Variants in FAM184B observed in about 807,000 individuals in gnomAD.
The protein encoded by FAM184B is family with sequence similarity 184 member B, also known as protein FAM184B.
FAM184B carries 111 observed loss-of-function variants against 135.9 expected under a neutral mutation model. The observed-to-expected ratio is 0.82, with a 90% CI of 0.70 to 0.96. The LOEUF (loss-of-function observed/expected upper bound fraction) is 0.96. Among genes scored for constraint, FAM184B ranks in the 40% least tolerant of loss-of-function variants. The pLI is 0.00. For missense variants in FAM184B, 1,375 were observed against 1,323.9 expected (o/e 1.04, Z -0.60); for synonymous variants, 552 against 524.8 (o/e 1.05, Z -0.71).
At position 17,629,468 on chromosome 4, in the gene FAM184B, T is replaced by G. The variant is rs1363811367; in HGVS notation, c.*3064A>C. On this transcript the variant is annotated 3_prime_UTR_variant, in exon 18 of 18. Transcript: ENST00000265018. ...GTGTTAGAGCAGTTAAGGGCTCAGG[T>G]ATGTGGTGTGCAGCCATTGACTGGG... The G allele has an allele frequency of 6.6e-6, 1 of 152,210 alleles. No individual in the cohort carries two copies. 9.4% of individuals were successfully genotyped at this position (152,210 alleles called of 1,614,324 possible). A position where few individuals can be genotyped will look rare whatever the true frequency, so the allele number is the denominator to read the frequency against.
intron 1 of FAM184B, among the ~76,000 whole-genome samples, chr4:17,738,796 C>T (rs776959112): frequency 1.3e-5 from 2 of 152,086 alleles, no homozygotes; most frequent in Non-Finnish European, 1.5e-5. Context: ...TGGATTAATA[C>T]CCCAGGTGGC....
chr4:17,684,775 G>T (rs1239361250), intron 7 of FAM184B, among the ~76,000 whole-genome samples: 1 of 152,094 alleles, frequency 6.6e-6, no homozygotes, highest in African/African-American at 2.4e-5. Flanking sequence ...CAACAGCAAA[G>T]ACATGAAATC....
intron 1 of FAM184B, among the ~76,000 whole-genome samples, chr4:17,767,956 A>C (rs1338712002): frequency 6.6e-6 from 1 of 152,180 alleles, no homozygotes; most frequent in Non-Finnish European, 1.5e-5. Context: ...GGCTTCATTC[A>C]ATCTCTGTCA....
At chr4:17,771,200 A>G (rs1183936198) in intron 1 of FAM184B, among the ~76,000 whole-genome samples, 2 of 152,166 alleles carry the variant, frequency 1.3e-5, no homozygotes, top group Non-Finnish European at 2.9e-5. Context: ...GCATCATTTT[A>G]TATTCCCACT....
intron 2 of FAM184B, among the ~76,000 whole-genome samples, 189 bp downstream of exon 2, chr4:17,708,703 A>C (rs1386074059): frequency 4.8e-4 from 27 of 56,362 alleles, no homozygotes; most frequent in Non-Finnish European, 7.6e-4. Flanking sequence ...ATATATATAT[A>C]TATATAGTGT....
At chr4:17,749,087 A>G (rs1718239679) in intron 1 of FAM184B, among the ~76,000 whole-genome samples, 1 of 149,630 alleles carries the variant, frequency 6.7e-6, no homozygotes, top group South Asian at 2.1e-4. Flanking sequence ...TCCTACTTCA[A>G]CCTCCTGAGT....
At chr4:17,662,011 A>G (rs992332218) in intron 8 of FAM184B, among the ~76,000 whole-genome samples, 1 of 152,178 alleles carries the variant, frequency 6.6e-6, no homozygotes, top group Non-Finnish European at 1.5e-5. Context: ...TTACCCAAAA[A>G]CTTCCCTTGC....
chr4:17,775,795 T>C (rs1038456376), intron 1 of FAM184B, among the ~76,000 whole-genome samples: 3 of 152,100 alleles, frequency 2.0e-5, no homozygotes, highest in Non-Finnish European at 4.4e-5. Context: ...AACTAAATAA[T>C]GTGTACACAG....
intron 1 of FAM184B, among the ~76,000 whole-genome samples, chr4:17,757,568 A>G (rs768135744): frequency 6.6e-6 from 1 of 152,022 alleles, no homozygotes; most frequent in Non-Finnish European, 1.5e-5. Flanking sequence ...ATACACTGAA[A>G]TATTTATGGA....
rs756786483 is a variant in FAM184B, at chr4:17,639,269, G to T, written c.2647C>A (p.Leu883Met). 7 of 1,551,648 alleles carry T rather than the reference G, an allele frequency of 4.5e-6. No individual in the cohort carries two copies. Among genetic ancestry groups the T allele is most frequent in the Non-Finnish European group, 4.4e-6 (5 of 1,146,988 alleles). ...SSAQAQLQAR[L>M]AALEAELKDS... ...ACTTACTCGGCTTCCAGGGCAGCCA[G>T]CCGGGCCTGGAGCTGGGCCTGGGCA... The change falls in exon 14 of 18, where the codon CTG becomes ATG. Residue 883 changes from leucine to methionine, a missense_variant. Coordinates refer to ENST00000265018, the MANE Select transcript of FAM184B (RefSeq NM_015688.2).
At chr4:17,742,013 C>A (rs965045680) in intron 1 of FAM184B, among the ~76,000 whole-genome samples, 1 of 151,810 alleles carries the variant, frequency 6.6e-6, no homozygotes, top group Non-Finnish European at 1.5e-5. Context: ...TGCTAGAGAT[C>A]TGCTGTACCA....
intron 1 of FAM184B, among the ~76,000 whole-genome samples, chr4:17,734,701 G>A (rs1040107955): frequency 6.7e-6 from 1 of 149,596 alleles, no homozygotes; most frequent in African/African-American, 2.5e-5. Context: ...GAGAGGATGT[G>A]GAGAAATAGG....
intron 1 of FAM184B, among the ~76,000 whole-genome samples, chr4:17,763,419 C>G (rs1382429774): frequency 1.3e-5 from 2 of 152,042 alleles, no homozygotes; most frequent in African/African-American, 4.8e-5. Flanking sequence ...CACACACACA[C>G]AGGCACATGC....
rs1222367318 is a variant in FAM184B at position 17,709,139 on chromosome 4, C to T, written c.647G>A (p.Arg216His). 6.5e-7 allele frequency: 1 copy of T among 1,548,370 alleles called. No individual in the cohort carries two copies. Among genetic ancestry groups the T allele is most frequent in the Non-Finnish European group, 8.7e-7 (1 of 1,146,966 alleles). ...ENQQLSKDYARKAEELQATYE... is the reference protein window; with the variant it reads ...ENQQLSKDYAHKAEELQATYE... The stretch of plus-strand genomic sequence containing the variant: ...GGTGGCCTGCAGCTCCTCGGCCTTG[C>T]GGGCGTAGTCCTTGCTCAGCTGCTG... The change falls in exon 2 of 18, where the codon CGC (arginine) becomes CAC (histidine). Residue 216 changes from arginine (R) to histidine (H), a missense_variant. Arg to His is a conservative substitution (Grantham distance 29, BLOSUM62 0). Coordinates refer to ENST00000265018, the MANE Select transcript of FAM184B (RefSeq NM_015688.2).
At chr4:17,705,294 C>T (rs1056159752) in intron 4 of FAM184B, 88 bp from the exon 5 acceptor site, 9 of 969,184 alleles carry the variant, frequency 9.3e-6, no homozygotes, top group East Asian at 5.2e-5. Flanking sequence ...ACTTTTACAA[C>T]GTTTATACAC....
intron 12 of FAM184B, 123 bp from the exon 13 acceptor site, chr4:17,642,351 G>A: frequency 7.3e-7 from 1 of 1,370,848 alleles, no homozygotes. Context: ...TGGAGCCTGT[G>A]GCAGGCTCCT....
At chr4:17,652,619 CCCTGGAGCCCTGGCCTGTGTGCCTGAGAG>C (rs1469323417) in intron 11 of FAM184B, among the ~76,000 whole-genome samples, 182 bp downstream of exon 11, 2 of 151,280 alleles carry the variant, frequency 1.3e-5, no homozygotes, top group Non-Finnish European at 2.9e-5. Context: ...AGCCCGAGAC[CCCTGGAGCCCTGGCCTGTGTGCCTGAGAG>C]CCTGGAGCCC....
At chr4:17,749,043 T>A (rs62412704) in intron 1 of FAM184B, among the ~76,000 whole-genome samples, 1 of 150,232 alleles carries the variant, frequency 6.7e-6, no homozygotes, top group Admixed American at 6.7e-5. Flanking sequence ...TATGTTGTCC[T>A]GGCTGGTCTC....
chr4:17,709,278 C>T lies in FAM184B; in HGVS notation c.508G>A (p.Ala170Thr), dbSNP rs765103892. Residue 170 changes from alanine to threonine, a missense_variant, in exon 2 of 18, where the codon GCT (alanine) becomes ACT (threonine). By Grantham distance (58) the Ala-to-Thr change is moderately conservative (BLOSUM62 0). Coordinates refer to ENST00000265018, the MANE Select transcript of FAM184B (RefSeq NM_015688.2). ...RRLQHLTSHE[A>T]TPQGRLPQES... The stretch of plus-strand genomic sequence containing the variant: ...TGGGGCAGCCGGCCCTGCGGGGTAG[C>T]CTCGTGGCTCGTCAGGTGCTGGAGC... 2.3e-5 allele frequency: 36 copies of T among 1,548,046 alleles called. No homozygotes were observed. Among genetic ancestry groups the T allele is most frequent in the Admixed American group, 3.9e-5 (2 of 50,822 alleles).
Sources: allele counts gnomAD v4.1 joint callset (sites outside exome capture counted in the v4.1 genomes callset), GRCh38; gene constraint gnomAD v4.1.1; transcripts MANE v1.5; gene names NCBI Gene and HGNC (gene_info 2026-07-23, HGNC 2026-07-21).